Variants in DDX18 observed in about 807,000 individuals in gnomAD.
The protein encoded by DDX18 is DEAD-box helicase 18, also known as ATP-dependent RNA helicase DDX18.
Under a neutral mutation model 73.5 loss-of-function variants are expected in DDX18, and 23 were observed. The ratio of observed to expected loss-of-function variants is 0.31; its 90% confidence interval spans 0.23 to 0.44. The LOEUF is 0.44. Ranked by LOEUF, DDX18 falls within the 20% of genes least tolerant of loss-of-function variation. The pLI, the probability that DDX18 is intolerant of heterozygous loss-of-function variation, is 1.00. For missense variants in DDX18, 753 were observed against 792.9 expected (o/e 0.95, Z 0.60); for synonymous variants, 268 against 282.7 (o/e 0.95, Z 0.52).
intron 7 of DDX18, among the ~76,000 whole-genome samples, chr2:117,823,718 A>G (rs2551887): frequency 0.91 from 137,830 of 152,196 alleles, 62,654 homozygotes; most frequent in African/African-American, 0.95. Context: ...AGACATCCTT[A>G]TCTTGGTTCT....
rs919190572 is a variant in DDX18 at position 117,831,560 on chromosome 2, G to A, written c.*836G>A. The A allele has an allele frequency of 2.0e-5, 3 of 151,980 alleles. No homozygotes were observed. The highest frequency in any genetic ancestry group is 7.3e-5 in the African/African-American group (3 of 41,264). The allele number at this position is 151,980 out of a possible 1,614,324, so 9.4% of individuals were successfully genotyped here. A position where few individuals can be genotyped will look rare whatever the true frequency, so the allele number is the denominator to read the frequency against. ...CTCATTAAGATTTGTTTAATTCAAG[G>A]TGGTTTGGATTTGGTAAGCCTTTGC... On this transcript the variant is annotated 3_prime_UTR_variant, in exon 14 of 14. Transcript: ENST00000263239.
chr2:117,823,784 C>T (rs1233773325), intron 7 of DDX18, among the ~76,000 whole-genome samples: 1 of 152,164 alleles, frequency 6.6e-6, no homozygotes, highest in East Asian at 1.9e-4. Flanking sequence ...AAGTTAGCTG[C>T]AGGTTTTATA....
chr2:117,817,685 GA>G lies in DDX18; in HGVS notation c.332del (p.Lys111ArgfsTer8). 1 of 1,599,940 alleles carries G rather than the reference GA, an allele frequency of 6.3e-7. No homozygotes were observed. ...MQSSNSESKK[K>X]KKKKRKMVND... Reference sequence around the variant, plus strand: ...AGTCTTCCAATTCAGAATCAAAAAAGAAAAAGAAGAAAAAGAGAAAAATGGT... The same window carrying G: ...AGTCTTCCAATTCAGAATCAAAAAAGAAAAGAAGAAAAAGAGAAAAATGGT... On this transcript the variant is annotated frameshift_variant, in exon 2 of 14. Transcript: ENST00000263239. LOFTEE classifies it high-confidence loss of function.
Position 117,830,777 on chromosome 2 carries a change from T to A in DDX18, c.*53T>A, listed in dbSNP as rs1386792733. On this transcript the variant is annotated 3_prime_UTR_variant, in exon 14 of 14. Coordinates refer to ENST00000263239, the MANE Select transcript of DDX18 (RefSeq NM_006773.4). The stretch of plus-strand genomic sequence containing the variant: ...ACTTTGTCCTAAAATGAATTTTTTT[T>A]CCCCTTGATTTAACAGGATTTTTGT... 1 of 1,593,930 alleles carries A rather than the reference T, an allele frequency of 6.3e-7. No individual in the cohort carries two copies. The highest frequency in any genetic ancestry group is 1.4e-5 in the African/African-American group (1 of 73,284).
At position 117,825,121 on chromosome 2, in the gene DDX18, T is replaced by G. The variant is rs1481467419; in HGVS notation, c.1368+20T>G. ...ATTCATGTAAGTGATGATGATGAGC[T>G]CATTGAAAACAGGGTATGCTTATTA... On this transcript the variant is annotated intron_variant, in intron 9 of 13. Coordinates refer to ENST00000263239, the MANE Select transcript of DDX18 (RefSeq NM_006773.4). 1 of 1,600,848 alleles carries G rather than the reference T, an allele frequency of 6.2e-7. No homozygotes were observed. Among genetic ancestry groups the G allele is most frequent in the East Asian group, 2.2e-5 (1 of 44,812 alleles).
chr2:117,831,616 A>G lies in DDX18; in HGVS notation c.*892A>G, dbSNP rs948536364. ...GTAGAGTACTTAGAAGACAAGGGCAACTTACTTGGAGTTAGAGCCAAGCTG... is the reference window on the plus strand; with the variant it reads ...GTAGAGTACTTAGAAGACAAGGGCAGCTTACTTGGAGTTAGAGCCAAGCTG... On this transcript the variant is annotated 3_prime_UTR_variant, in exon 14 of 14. Transcript: ENST00000263239. The G allele has an allele frequency of 1.3e-5, 2 of 152,230 alleles. No homozygotes were observed. Among genetic ancestry groups the G allele is most frequent in the East Asian group, 1.9e-4 (1 of 5,202 alleles). 9.4% of individuals were successfully genotyped at this position (152,230 alleles called of 1,614,324 possible).
intron 11 of DDX18, chr2:117,828,725 C>A: frequency 1.9e-6 from 1 of 528,114 alleles, no homozygotes; most frequent in Non-Finnish European, 3.4e-6. Context: ...CTGACTGTGT[C>A]CCTATCCAGT....
At chr2:117,825,256 G>A (rs769869386) in intron 9 of DDX18, among the ~76,000 whole-genome samples, 155 bp downstream of exon 9, 2 of 152,180 alleles carry the variant, frequency 1.3e-5, no homozygotes, top group African/African-American at 2.4e-5. Flanking sequence ...GCTGCTGGGT[G>A]TGGAGGGGTA....
At chr2:117,821,115 TAA>T (rs3214497) in intron 3 of DDX18, 44 bp from the exon 4 acceptor site, 20 of 1,448,564 alleles carry the variant, frequency 1.4e-5, no homozygotes, top group African/African-American at 8.6e-5. Flanking sequence ...AATACTTTTT[TAA>T]AAAAAAAGAT....
At chr2:117,821,394 G>A in intron 4 of DDX18, 98 bp downstream of exon 4, 1 of 1,411,826 alleles carries the variant, frequency 7.1e-7, no homozygotes, top group Middle Eastern at 1.8e-4. Context: ...TGTACTATAT[G>A]TTGGGTCATG....
chr2:117,816,557 T>C (rs902144208), intron 1 of DDX18, among the ~76,000 whole-genome samples: 2 of 152,224 alleles, frequency 1.3e-5, no homozygotes, highest in Non-Finnish European at 2.9e-5. Context: ...TCTCCTATGA[T>C]AACAGTGCCT....
At chr2:117,825,294 C>T (rs549180614) in intron 9 of DDX18, among the ~76,000 whole-genome samples, 153 bp from the exon 10 acceptor site, 79 of 152,176 alleles carry the variant, frequency 5.2e-4, no homozygotes, top group African/African-American at 1.8e-3. Context: ...TGCAAGACAC[C>T]ATCCTCCTTG....
intron 10 of DDX18, 60 bp downstream of exon 10, chr2:117,825,659 C>T (rs1679914172): frequency 1.3e-6 from 2 of 1,580,764 alleles, no homozygotes; most frequent in African/African-American, 1.3e-5. Context: ...CACTTATTCT[C>T]CCAGTTCCCT....
At chr2:117,815,099 G>A (rs185908015) in intron 1 of DDX18, 200 of 560,376 alleles carry the variant, frequency 3.6e-4, no homozygotes, top group African/African-American at 3.5e-3. Context: ...CAACGTTAGA[G>A]CGGGAGGACT....
At chr2:117,830,521 G>A in intron 13 of DDX18, 61 bp from the exon 14 acceptor site, 1 of 1,581,690 alleles carries the variant, frequency 6.3e-7, no homozygotes. Context: ...TTTTCTCTGT[G>A]TAGATGTTAG....
chr2:117,824,585 G>A lies in DDX18; in HGVS notation c.1083G>A (p.Met361Ile), dbSNP rs780678257. The A allele has an allele frequency of 6.8e-7, 1 of 1,471,032 alleles. No homozygotes were observed. The highest frequency in any genetic ancestry group is 9.0e-7 in the Non-Finnish European group (1 of 1,111,706). The allele number at this position is 1,471,032 out of a possible 1,614,324, so 91.1% of individuals were successfully genotyped here. ...CTGTTTCAGCACGTAGACAGACTATGCTCTTTTCTGCCACCCAAACTCGAA... is the reference window on the plus strand; with the variant it reads ...CTGTTTCAGCACGTAGACAGACTATACTCTTTTCTGCCACCCAAACTCGAA... ...IKLLPTRRQTMLFSATQTRKV... is the reference protein window; with the variant it reads ...IKLLPTRRQTILFSATQTRKV... Residue 361 changes from methionine to isoleucine, a missense_variant, in exon 8 of 14, where the codon ATG (methionine) becomes ATA (isoleucine). Met to Ile is a conservative substitution (Grantham distance 10). Transcript: ENST00000263239.
At chr2:117,816,579 T>G (rs1311490830) in intron 1 of DDX18, among the ~76,000 whole-genome samples, 3 of 152,104 alleles carry the variant, frequency 2.0e-5, no homozygotes, top group Admixed American at 2.0e-4. Flanking sequence ...CTAAAATACC[T>G]CTCTCCCTGA....
At chr2:117,825,392 ACTG>A (rs1280863382) in intron 9 of DDX18, 52 bp from the exon 10 acceptor site, 5 of 1,579,382 alleles carry the variant, frequency 3.2e-6, no homozygotes, top group Non-Finnish European at 4.3e-6. Context: ...TGGGGGTTCT[ACTG>A]CTAGTCTTCC....
rs779559958 is a variant in DDX18 at position 117,819,683 on chromosome 2, A to G, written c.405A>G (p.Lys135=). 4.4e-5 allele frequency: 70 copies of G among 1,591,692 alleles called. No individual in the cohort carries two copies. Among genetic ancestry groups the G allele is most frequent in the Non-Finnish European group, 6.0e-5 (70 of 1,172,902 alleles). The change falls in exon 3 of 14, where the codon AAA becomes AAG. Residue 135 remains lysine, a synonymous_variant. Transcript: ENST00000263239. ...AAGCAAAAACTGAAAACAAAGGGAA[A>G]TCTGAAGAAGAAAGTGCCGAGACTA... is the stretch of plus-strand genomic sequence containing the variant. The part of the protein sequence containing the change: ...TKKAKTENKG[K]SEEESAETTK...
Sources: allele counts gnomAD v4.1 joint callset (sites outside exome capture counted in the v4.1 genomes callset), GRCh38; gene constraint gnomAD v4.1.1; transcripts MANE v1.5; gene names NCBI Gene and HGNC (gene_info 2026-07-23, HGNC 2026-07-21).